JMY: variants seen among roughly 807,000 people sequenced by gnomAD.
The protein encoded by JMY is junction mediating and regulatory protein, p53 cofactor.
In JMY, 46 loss-of-function variants were observed where a neutral mutation model predicts 103.3. The ratio of observed to expected loss-of-function variants is 0.45; its 90% confidence interval spans 0.35 to 0.57. The LOEUF is 0.57. JMY is among the 20% of genes least tolerant of loss of function. The probability of loss-of-function intolerance (pLI) is 0.00; values close to 1 mark genes in which losing one functional copy is unlikely to be tolerated. For synonymous variants in JMY, 526 were observed against 489.3 expected, an observed-to-expected ratio of 1.07 and a Z score of -0.99; for missense variants, 1,238 against 1,255.2, an observed-to-expected ratio of 0.99 and a Z score of 0.21.
chr5:79,243,644 T>C lies in JMY; in HGVS notation c.1032+5962T>C, dbSNP rs114471947. On this transcript the variant is annotated intron_variant, in intron 1 of 10. Transcript: ENST00000396137. The stretch of plus-strand genomic sequence containing the variant: ...ATACTCCCATGAAAATATTGCAAAC[T>C]GCTCTTTTACTGTAAAATACAGTTA... 9.5e-3 allele frequency among the ~76,000 whole-genome samples: 1,442 copies of C among 152,340 alleles called. 26 individuals carry two copies. Among genetic ancestry groups the C allele is most frequent in the African/African-American group, 0.033 (1,372 of 41,576 alleles).
chr5:79,265,114 A>G (rs2112070095), intron 1 of JMY, among the ~76,000 whole-genome samples: 1 of 152,130 alleles, frequency 6.6e-6, no homozygotes, highest in African/African-American at 2.4e-5. Context: ...TTCAGTAGAG[A>G]CAGGTTTCAC....
At chr5:79,242,891 CT>C (rs1744783227) in intron 1 of JMY, among the ~76,000 whole-genome samples, 1 of 151,492 alleles carries the variant, frequency 6.6e-6, no homozygotes, top group Non-Finnish European at 1.5e-5. Flanking sequence ...TCACGCAATT[CT>C]TTTGCTTCAG....
intron 1 of JMY, among the ~76,000 whole-genome samples, chr5:79,254,598 G>A (rs1307067802): frequency 6.6e-6 from 1 of 151,836 alleles, no homozygotes; most frequent in African/African-American, 2.4e-5. Context: ...TTGACTGTTG[G>A]AAGTTTGATT....
Position 79,312,968 on chromosome 5 carries a change from C to A in JMY, c.2064+470C>A, listed in dbSNP as rs147520794. ...GGTAAGCCATGACCACACACTGATA[C>A]CACAGTATCCACACATCTCCTCAGA... On this transcript the variant is annotated intron_variant, in intron 8 of 10. Transcript: ENST00000396137. 7.2e-3 allele frequency among the ~76,000 whole-genome samples: 1,090 copies of A among 152,200 alleles called. 11 individuals are homozygous for A. Among genetic ancestry groups the A allele is most frequent in the Non-Finnish European group, 0.011 (759 of 68,006 alleles).
intron 2 of JMY, among the ~76,000 whole-genome samples, chr5:79,287,292 C>G (rs547295949): frequency 1.3e-3 from 202 of 152,182 alleles, no homozygotes; most frequent in Non-Finnish European, 1.7e-3. Flanking sequence ...CTTCTATTGG[C>G]AAAGGCTAAA....
In JMY at chr5:79,320,441, A is replaced by G. The variant is rs116397529; in HGVS notation, c.*4-1165A>G. 4.3e-3 allele frequency among the ~76,000 whole-genome samples: 655 copies of G among 151,964 alleles called. 8 individuals carry two copies. Among genetic ancestry groups the G allele is most frequent in the African/African-American group, 0.015 (618 of 41,430 alleles). On this transcript the variant is annotated intron_variant, in intron 10 of 10. Transcript: ENST00000396137. The stretch of plus-strand genomic sequence containing the variant: ...CTGCAATCTCCATCTCCCGGGTTCA[A>G]TCTGGGATTACAGGCGCACCACCAT...
At chr5:79,272,043 T>C (rs942830442) in intron 1 of JMY, among the ~76,000 whole-genome samples, 1 of 148,834 alleles carries the variant, frequency 6.7e-6, no homozygotes, top group African/African-American at 2.5e-5. Context: ...ACCCGGGAGG[T>C]GGAGGTTGCA....
chr5:79,238,693 G>GCTGGA (rs1231943768), intron 1 of JMY, among the ~76,000 whole-genome samples: 1 of 136,568 alleles, frequency 7.3e-6, no homozygotes, highest in East Asian at 2.2e-4. Context: ...CGTCTCCCAG[G>GCTGGA]CTGGAGTACA....
chr5:79,315,759 G>A (rs936592316), intron 9 of JMY, among the ~76,000 whole-genome samples: 5 of 152,158 alleles, frequency 3.3e-5, no homozygotes, highest in African/African-American at 1.2e-4. Flanking sequence ...CTTCTCTCAT[G>A]TAGGAAATGA....
chr5:79,245,926 G>C (rs79749060), intron 1 of JMY, among the ~76,000 whole-genome samples: 1,683 of 152,234 alleles, frequency 0.011, 14 homozygotes, highest in South Asian at 0.023. Flanking sequence ...CACCCAGCCT[G>C]TATTCAGGTT....
At chr5:79,288,231 T>C (rs1447262764) in intron 2 of JMY, among the ~76,000 whole-genome samples, 1 of 152,188 alleles carries the variant, frequency 6.6e-6, no homozygotes, top group Non-Finnish European at 1.5e-5. Flanking sequence ...CTCTCATTAC[T>C]TTCATTTTTC....
chr5:79,278,132 C>G (rs1745999298), intron 2 of JMY, 49 bp downstream of exon 2: 2 of 1,412,496 alleles, frequency 1.4e-6, no homozygotes, highest in Non-Finnish European at 1.9e-6. Context: ...TCATAGTTCT[C>G]AGCCTGAAAG....
intron 7 of JMY, 34 bp downstream of exon 7, chr5:79,306,495 T>TA (rs1746886401): frequency 6.8e-7 from 1 of 1,467,392 alleles, no homozygotes. Flanking sequence ...GAACAAAACT[T>TA]AATTTTTTTG....
intron 1 of JMY, 38 bp downstream of exon 1, chr5:79,237,720 G>A: frequency 6.4e-7 from 1 of 1,559,558 alleles, no homozygotes; most frequent in Non-Finnish European, 8.7e-7. Context: ...TCTACTGGTC[G>A]CTTTTGGTTT....
Position 79,291,185 on chromosome 5 carries a change from A to C in JMY, c.1413A>C (p.Ala471=). Reference sequence around the variant, plus strand: ...AGAAATTTGGTAAAGCATCATGGGCAGCGGCTGCTGAACGGATGGAAAAAC... The same window carrying C: ...AGAAATTTGGTAAAGCATCATGGGCCGCGGCTGCTGAACGGATGGAAAAAC... ...DQKKFGKASW[A]AAAERMEKLQ... The change falls in exon 4 of 11, where the codon GCA becomes GCC. Residue 471 remains alanine (A), a synonymous_variant. Coordinates refer to ENST00000396137, the MANE Select transcript of JMY (RefSeq NM_152405.5). The C allele has an allele frequency of 6.2e-7, 1 of 1,613,314 alleles. No homozygotes were observed. The highest frequency in any genetic ancestry group is 8.5e-7 in the Non-Finnish European group (1 of 1,179,682).
In JMY at chr5:79,264,066, C is replaced by T. The variant is rs374643921; in HGVS notation, c.1033-13844C>T. 2.2e-4 allele frequency among the ~76,000 whole-genome samples: 34 copies of T among 151,854 alleles called. 1 individual carries two copies. Among genetic ancestry groups the T allele is most frequent in the Admixed American group, 6.6e-4 (10 of 15,252 alleles). ...CCTCCCAAAGTGCTGGGATTACAGG[C>T]GCGAGTCACTGTGCTTGGCCTTTTT... On this transcript the variant is annotated intron_variant, in intron 1 of 10. Transcript: ENST00000396137.
chr5:79,306,424 T>C lies in JMY; in HGVS notation c.1931T>C (p.Ile644Thr), dbSNP rs373551827. Residue 644 changes from isoleucine (I) to threonine (T), a missense_variant, in exon 7 of 11, where the codon ATT (isoleucine) becomes ACT (threonine). Ile to Thr is a moderately conservative substitution (Grantham distance 89). Coordinates refer to ENST00000396137, the MANE Select transcript of JMY (RefSeq NM_152405.5). ...GAAAAAATCCAACAGCGCACTCGGA[T>C]TGAAGATGAATATAGAACCCATCAC... ...HNEKIQQRTR[I>T]EDEYRTHHTV... 4.3e-6 allele frequency: 7 copies of C among 1,613,278 alleles called. No individual in the cohort carries two copies. The African/African-American group carries it at 8.0e-5, about 18-fold the overall frequency.
rs534214701 is a variant in JMY at position 79,323,795 on chromosome 5, G to A, written c.*2193G>A. On this transcript the variant is annotated 3_prime_UTR_variant, in exon 11 of 11. Coordinates refer to ENST00000396137, the MANE Select transcript of JMY (RefSeq NM_152405.5). ...CATATGTCCTGTGGTCTGTCTTCCA[G>A]AGTGTGCTGTAATCATAAGTCTCTA... 43 of 152,254 alleles carry A rather than the reference G, an allele frequency of 2.8e-4. No individual in the cohort carries two copies. Among genetic ancestry groups the A allele is most frequent in the African/African-American group, 1.0e-3 (42 of 41,546 alleles). The allele number at this position is 152,254 out of a possible 1,614,324, so 9.4% of individuals were successfully genotyped here.
chr5:79,244,914 C>G (rs1236339397), intron 1 of JMY, among the ~76,000 whole-genome samples: 1 of 150,962 alleles, frequency 6.6e-6, no homozygotes, highest in Non-Finnish European at 1.5e-5. Context: ...TACCAAGTAG[C>G]CTTAACACAG....
Sources: gnomAD v4.1 joint callset for allele counts (sites outside exome capture counted in the v4.1 genomes callset) on GRCh38, gnomAD v4.1.1 for gene constraint, MANE v1.5 for transcripts, NCBI Gene and HGNC (gene_info 2026-07-23, HGNC 2026-07-21) for gene names.